ENOX1: variants seen among roughly 807,000 people sequenced by gnomAD.
The protein encoded by ENOX1 is candidate growth-related and time keeping constitutive hydroquinone (NADH) oxidase.
In ENOX1, 42 loss-of-function variants were observed where a neutral mutation model predicts 82.5. That is an observed-to-expected ratio of 0.51 (90% CI 0.40 to 0.66). ENOX1 has a LOEUF of 0.66. Ranked by LOEUF, ENOX1 falls within the 30% of genes least tolerant of loss-of-function variation. ENOX1 has a pLI of 0.00. For missense variants in ENOX1, 608 were observed against 811.6 expected (o/e 0.75, Z 3.05); for synonymous variants, 271 against 282.2 (o/e 0.96, Z 0.40).
chr13:43,399,139 G>A (rs9567175), intron 5 of ENOX1, among the ~76,000 whole-genome samples: 23,479 of 152,000 alleles, frequency 0.15, 1,915 homozygotes, highest in East Asian at 0.29. Flanking sequence ...TTACTTTACT[G>A]TGAGAATATA....
At chr13:43,318,424 G>C (rs1378755568) in intron 11 of ENOX1, among the ~76,000 whole-genome samples, 3 of 152,158 alleles carry the variant, frequency 2.0e-5, no homozygotes, top group African/African-American at 7.2e-5. Flanking sequence ...TGTGCCCTGG[G>C]TCCACAGCAC....
At chr13:43,458,118 A>C (rs1209328026) in intron 3 of ENOX1, among the ~76,000 whole-genome samples, 2 of 152,190 alleles carry the variant, frequency 1.3e-5, no homozygotes. Context: ...AACTTTTTTA[A>C]AAAAGTTAAC....
At chr13:43,518,483 G>A (rs747966374) in intron 2 of ENOX1, among the ~76,000 whole-genome samples, 4 of 151,998 alleles carry the variant, frequency 2.6e-5, no homozygotes, top group South Asian at 2.1e-4. Context: ...AGGCAGATGC[G>A]TTGATGTTCT....
chr13:43,632,801 A>G (rs78144959), intron 2 of ENOX1, among the ~76,000 whole-genome samples: 3,543 of 152,202 alleles, frequency 0.023, 139 homozygotes, highest in African/African-American at 0.08. Flanking sequence ...ATAAAATACC[A>G]TTTTTGAGAG....
chr13:43,692,786 TG>T lies in ENOX1; in HGVS notation c.-284-25243del, dbSNP rs1316182758. On this transcript the variant is annotated intron_variant, in intron 1 of 16. Coordinates refer to ENST00000690772, the MANE Select transcript of ENOX1 (RefSeq NM_001347969.2). ...AAAATACTCTGAGTTATTGAAGACG[TG>T]GGAAAATGGGCACTGTTAAATACTG... Among the ~76,000 whole-genome samples the T allele has an allele frequency of 2.6e-5, 4 of 152,256 alleles. No homozygotes were observed. The South Asian group carries it at 8.3e-4, about 32-fold the overall frequency.
At position 43,714,437 on chromosome 13, in the gene ENOX1, C is replaced by G. The variant is rs559057857; in HGVS notation, c.-284-46893G>C. 3.2e-3 allele frequency among the ~76,000 whole-genome samples: 494 copies of G among 152,184 alleles called. 2 individuals carry two copies. The highest frequency in any genetic ancestry group is 5.7e-3 in the Non-Finnish European group (390 of 67,982). ...TGTAGATGTCTATTAGGTCCGCTTG[C>G]TGCAGAGCTGAGTTCAATTCCTGGG... On this transcript the variant is annotated intron_variant, in intron 1 of 16. Transcript: ENST00000690772.
intron 7 of ENOX1, among the ~76,000 whole-genome samples, chr13:43,359,379 G>C (rs1376322735): frequency 6.6e-6 from 1 of 152,194 alleles, no homozygotes; most frequent in African/African-American, 2.4e-5. Context: ...AAGGCTTAAT[G>C]AACCACCAAC....
intron 14 of ENOX1, among the ~76,000 whole-genome samples, chr13:43,247,867 A>T (rs868811011): frequency 0.096 from 200 of 2,088 alleles, 22 homozygotes; most frequent in Non-Finnish European, 0.13. Flanking sequence ...ATATATATAT[A>T]TATATATATA....
chr13:43,357,594 C>A (rs148480666), intron 7 of ENOX1, among the ~76,000 whole-genome samples: 1 of 152,170 alleles, frequency 6.6e-6, no homozygotes, highest in African/African-American at 2.4e-5. Context: ...CAGTGATACA[C>A]GCATAACAGC....
intron 1 of ENOX1, among the ~76,000 whole-genome samples, chr13:43,751,710 T>C (rs1950333007): frequency 6.6e-6 from 1 of 152,142 alleles, no homozygotes; most frequent in African/African-American, 2.4e-5. Flanking sequence ...GAATCAACAG[T>C]TCGTTACATT....
intron 2 of ENOX1, among the ~76,000 whole-genome samples, chr13:43,656,898 TAATC>T (rs1421686379): frequency 6.6e-6 from 1 of 152,170 alleles, no homozygotes; most frequent in Non-Finnish European, 1.5e-5. Flanking sequence ...AACAGGAAAA[TAATC>T]AAAGTTTCAA....
At chr13:43,289,483 G>A (rs1236944003) in intron 12 of ENOX1, among the ~76,000 whole-genome samples, 1 of 152,126 alleles carries the variant, frequency 6.6e-6, no homozygotes, top group East Asian at 1.9e-4. Context: ...AGGACTCTCT[G>A]TTCAATAAAT....
intron 2 of ENOX1, among the ~76,000 whole-genome samples, chr13:43,635,573 G>A (rs2083383699): frequency 6.6e-6 from 1 of 152,130 alleles, no homozygotes; most frequent in Admixed American, 6.5e-5. Flanking sequence ...AAAAATACAT[G>A]TTCAGCTCAT....
chr13:43,443,750 G>A (rs1219127576), intron 3 of ENOX1, among the ~76,000 whole-genome samples: 1 of 152,222 alleles, frequency 6.6e-6, no homozygotes, highest in Non-Finnish European at 1.5e-5. Flanking sequence ...GCTCACCCGA[G>A]GAGGTGACAT....
intron 2 of ENOX1, among the ~76,000 whole-genome samples, chr13:43,530,039 G>A (rs992935008): frequency 3.3e-5 from 5 of 152,068 alleles, no homozygotes; most frequent in Admixed American, 6.6e-5. Context: ...ACTCTCCTGT[G>A]TACATATGCT....
intron 15 of ENOX1, among the ~76,000 whole-genome samples, chr13:43,234,243 TTCTTTTGGAGGATTATCC>T (rs1478891722): frequency 1.4e-4 from 21 of 152,206 alleles, no homozygotes; most frequent in African/African-American, 4.3e-4. Context: ...CATTGTGGCA[TTCTTTTGGAGGATTATCC>T]TCTTTTGGAG....
At chr13:43,503,044 A>T (rs894294819) in intron 2 of ENOX1, among the ~76,000 whole-genome samples, 1 of 151,688 alleles carries the variant, frequency 6.6e-6, no homozygotes, top group African/African-American at 2.4e-5. Context: ...ATCAACATAT[A>T]AAAATTAGTT....
At chr13:43,782,313 G>A (rs188779306) in intron 1 of ENOX1, among the ~76,000 whole-genome samples, 25 of 152,228 alleles carry the variant, frequency 1.6e-4, no homozygotes, top group Non-Finnish European at 3.4e-4. Flanking sequence ...AAAATTTTAA[G>A]AAACATAACC....
At chr13:43,503,780 T>G (rs145117408) in intron 2 of ENOX1, among the ~76,000 whole-genome samples, 22 of 151,686 alleles carry the variant, frequency 1.5e-4, no homozygotes, top group Non-Finnish European at 3.1e-4. Flanking sequence ...TAATGTTGAC[T>G]TCAGCAATGA....
Sources: gnomAD v4.1 joint callset for allele counts (sites outside exome capture counted in the v4.1 genomes callset) on GRCh38, gnomAD v4.1.1 for gene constraint, MANE v1.5 for transcripts, NCBI Gene and HGNC (gene_info 2026-07-23, HGNC 2026-07-21) for gene names.